Variants in FAT3 observed in about 807,000 individuals in gnomAD.
FAT3 encodes FAT atypical cadherin 3, also known as protocadherin Fat 3.
In FAT3, 95 loss-of-function variants were observed where a neutral mutation model predicts 310.2. The ratio of observed to expected loss-of-function variants is 0.31; its 90% CI spans 0.26 to 0.36. FAT3 has a LOEUF of 0.36. Among genes scored for constraint, FAT3 ranks in the 10% least tolerant of loss-of-function variants. The pLI is 1.00. For missense variants in FAT3, 5,408 were observed against 5,715.6 expected (o/e 0.95, Z 1.74); for synonymous variants, 2,314 against 2,192.9 (o/e 1.06, Z -1.54).
chr11:92,625,985 C>T (rs2135684413), intron 3 of FAT3, among the ~76,000 whole-genome samples: 1 of 152,274 alleles, frequency 6.6e-6, no homozygotes, highest in South Asian at 2.1e-4. Flanking sequence ...ATTATTTCCA[C>T]AGATAACTCC....
At chr11:92,645,421 G>A (rs1942113991) in intron 3 of FAT3, among the ~76,000 whole-genome samples, 1 of 152,012 alleles carries the variant, frequency 6.6e-6, no homozygotes, top group Non-Finnish European at 1.5e-5. Flanking sequence ...CTGAAAAGCT[G>A]GGGGTTTGCC....
In FAT3 at chr11:92,800,870, C is replaced by T; in HGVS notation, c.7857C>T (p.Val2619=). The T allele has an allele frequency of 6.2e-7, 1 of 1,613,220 alleles. No homozygotes were observed. Among genetic ancestry groups the T allele is most frequent in the Non-Finnish European group, 8.5e-7 (1 of 1,179,628 alleles). The change falls in exon 10 of 28, where the codon GTC becomes GTT. Residue 2619 remains valine, a synonymous_variant. Coordinates refer to ENST00000525166, the MANE Select transcript of FAT3 (RefSeq NM_001367949.2). ...CAGATGTTGGAAGGGGCCACTTGGT[C>T]ACTCAAGTTCAAGCCATAGATCCCG... ...VRADVGRGHL[V]TQVQAIDPDD... is the part of the protein sequence containing the mutation.
At chr11:92,287,723 A>G (rs1250655714) in intron 1 of FAT3, among the ~76,000 whole-genome samples, 1 of 152,120 alleles carries the variant, frequency 6.6e-6, no homozygotes, top group African/African-American at 2.4e-5. Context: ...TTCAAATAGC[A>G]GCTGTAACAT....
chr11:92,813,603 A>G (rs1947741784), intron 13 of FAT3, among the ~76,000 whole-genome samples: 1 of 152,202 alleles, frequency 6.6e-6, no homozygotes, highest in Non-Finnish European at 1.5e-5. Context: ...CTAACCCCTG[A>G]CAACCACTGA....
At chr11:92,643,961 A>G (rs897711316) in intron 3 of FAT3, among the ~76,000 whole-genome samples, 6 of 152,272 alleles carry the variant, frequency 3.9e-5, no homozygotes, top group South Asian at 2.1e-4. Flanking sequence ...AAGAATGGCT[A>G]CATGCCTTCT....
chr11:92,639,779 T>A (rs929705591), intron 3 of FAT3, among the ~76,000 whole-genome samples: 3 of 152,210 alleles, frequency 2.0e-5, no homozygotes, highest in African/African-American at 7.2e-5. Context: ...TTTTTGAGAA[T>A]CACCACTTAG....
At chr11:92,807,593 G>A (rs1212386800) in intron 12 of FAT3, among the ~76,000 whole-genome samples, 2 of 152,170 alleles carry the variant, frequency 1.3e-5, no homozygotes, top group Admixed American at 6.5e-5. Context: ...AGGTTGCCAC[G>A]AAAACCAGAC....
intron 10 of FAT3, among the ~76,000 whole-genome samples, chr11:92,802,159 G>A (rs1450235091): frequency 6.6e-6 from 1 of 152,136 alleles, no homozygotes; most frequent in Non-Finnish European, 1.5e-5. Flanking sequence ...TAGTCTTTGT[G>A]TCACCTCTTC....
At chr11:92,724,031 A>T (rs1334742539) in intron 4 of FAT3, among the ~76,000 whole-genome samples, 1 of 152,234 alleles carries the variant, frequency 6.6e-6, no homozygotes, top group Non-Finnish European at 1.5e-5. Flanking sequence ...GCTGTTTAAC[A>T]AAACATAGTG....
At position 92,456,795 on chromosome 11, in the gene FAT3, C is replaced by T. The variant is rs937055868; in HGVS notation, c.3293-67839C>T. ...AAATACTATTCCATTGATGAATGCA[C>T]TGTCATTCTTTCAAGCAGTCTGTAC... On this transcript the variant is annotated intron_variant, in intron 2 of 27. Coordinates refer to ENST00000525166, the MANE Select transcript of FAT3 (RefSeq NM_001367949.2). 2.6e-5 allele frequency among the ~76,000 whole-genome samples: 4 copies of T among 152,218 alleles called. No individual in the cohort carries two copies. In the East Asian group the frequency reaches 7.7e-4, roughly 29 times the overall value.
chr11:92,588,784 C>T (rs1193534488), intron 3 of FAT3, among the ~76,000 whole-genome samples: 2 of 151,632 alleles, frequency 1.3e-5, no homozygotes, highest in African/African-American at 4.9e-5. Context: ...ACAAAATATG[C>T]TTATCTATAG....
At chr11:92,741,798 A>T (rs906547250) in intron 4 of FAT3, among the ~76,000 whole-genome samples, 1 of 152,180 alleles carries the variant, frequency 6.6e-6, no homozygotes, top group African/African-American at 2.4e-5. Flanking sequence ...AAAAAATACT[A>T]CCTGTTGTGT....
intron 2 of FAT3, among the ~76,000 whole-genome samples, chr11:92,436,706 C>T (rs367743262): frequency 3.9e-5 from 6 of 152,134 alleles, no homozygotes; most frequent in Non-Finnish European, 7.4e-5. Flanking sequence ...GCCTCTGGCT[C>T]GATGCCCTGT....
chr11:92,740,672 C>CT (rs1945482990), intron 4 of FAT3, among the ~76,000 whole-genome samples: 1 of 152,104 alleles, frequency 6.6e-6, no homozygotes, highest in Non-Finnish European at 1.5e-5. Context: ...AAGATAATTG[C>CT]TTTTTCCCCT....
At chr11:92,849,156 C>G (rs1293736261) in intron 19 of FAT3, among the ~76,000 whole-genome samples, 4 of 152,310 alleles carry the variant, frequency 2.6e-5, no homozygotes, top group African/African-American at 9.6e-5. Context: ...CACTCAGAAT[C>G]ACAGAGCTAC....
chr11:92,558,402 A>ATGTGTGTGTGTGTGTGTG (rs58362077), intron 3 of FAT3, among the ~76,000 whole-genome samples: 144 of 150,138 alleles, frequency 9.6e-4, no homozygotes, highest in Middle Eastern at 3.4e-3. Flanking sequence ...TGTTGTGTTT[A>ATGTGTGTGTGTGTGTGTG]TGTGTGTGTG....
At chr11:92,805,569 CAAA>C (rs34229613) in intron 11 of FAT3, among the ~76,000 whole-genome samples, 9 of 131,066 alleles carry the variant, frequency 6.9e-5, no homozygotes, top group Admixed American at 7.4e-5. Flanking sequence ...CTGCCCCCAA[CAAA>C]AAAAAAAAAA....
At chr11:92,484,229 A>G (rs1186811223) in intron 2 of FAT3, among the ~76,000 whole-genome samples, 2 of 152,140 alleles carry the variant, frequency 1.3e-5, no homozygotes, top group Non-Finnish European at 2.9e-5. Flanking sequence ...CACAAATTCC[A>G]TGGTGCTGTT....
intron 4 of FAT3, among the ~76,000 whole-genome samples, chr11:92,739,526 T>C (rs927558036): frequency 4.6e-5 from 7 of 152,234 alleles, no homozygotes; most frequent in African/African-American, 9.6e-5. Flanking sequence ...CTTACTGTTA[T>C]ATGACAAGAC....
Sources: allele counts gnomAD v4.1 joint callset (sites outside exome capture counted in the v4.1 genomes callset), GRCh38; gene constraint gnomAD v4.1.1; transcripts MANE v1.5; gene names NCBI Gene and HGNC (gene_info 2026-07-23, HGNC 2026-07-21).